FBXL13: variants seen among roughly 807,000 people sequenced by gnomAD.
FBXL13 encodes the protein F-box and leucine-rich repeat protein 13.
FBXL13 carries 67 observed loss-of-function variants against 83.6 expected under a neutral mutation model. That is an observed-to-expected ratio of 0.80 (90% CI 0.66 to 0.98). The LOEUF (loss-of-function observed/expected upper bound fraction) is 0.98. Ranked by LOEUF, FBXL13 falls within the 50% of genes least tolerant of loss-of-function variation. The pLI is 0.00. For synonymous variants in FBXL13, 272 were observed against 299.5 expected, an observed-to-expected ratio of 0.91 and a Z score of 0.95; for missense variants, 822 against 866.5, an observed-to-expected ratio of 0.95 and a Z score of 0.64.
At chr7:102,878,339 T>C (rs1412688772) in exon 15 of FBXL13, 3 of 1,600,898 alleles carry the variant, frequency 1.9e-6, no homozygotes, top group Admixed American at 3.4e-5. Flanking sequence ...ACCGCTCAGA[T>C]AGTTTCATAA....
At chr7:102,918,264 T>C (rs1032445054) in intron 10 of FBXL13, among the ~76,000 whole-genome samples, 1 of 152,218 alleles carries the variant, frequency 6.6e-6, no homozygotes, top group Non-Finnish European at 1.5e-5. Context: ...AAAAAATCAG[T>C]ATCAAGTAGT....
chr7:103,042,887 T>C (rs1453202838), intron 2 of FBXL13, among the ~76,000 whole-genome samples: 1 of 152,058 alleles, frequency 6.6e-6, no homozygotes, highest in Non-Finnish European at 1.5e-5. Context: ...ACCTAAGCAA[T>C]ACCATTCAGG....
chr7:102,907,355 ACATGTGCAC>A (rs2129467765), intron 11 of FBXL13, among the ~76,000 whole-genome samples: 1 of 152,074 alleles, frequency 6.6e-6, no homozygotes, highest in East Asian at 1.9e-4. Context: ...GTTCTAGGGT[ACATGTGCAC>A]CATGTGCAGG....
intron 8 of FBXL13, among the ~76,000 whole-genome samples, chr7:102,961,070 G>A (rs1825114460): frequency 6.7e-6 from 1 of 148,568 alleles, no homozygotes; most frequent in East Asian, 2.0e-4. Context: ...CGACATGATT[G>A]TATATCTAGA....
chr7:102,926,322 T>C, exon 10 of FBXL13: 5 of 1,613,932 alleles, frequency 3.1e-6, no homozygotes, highest in East Asian at 2.2e-5. Flanking sequence ...GTTAGACAGA[T>C]TGAGACACAG....
chr7:103,010,184 T>C (rs117374106), intron 6 of FBXL13, among the ~76,000 whole-genome samples: 8,138 of 151,118 alleles, frequency 0.054, 304 homozygotes, highest in South Asian at 0.13. Flanking sequence ...TGGCAGAGTG[T>C]GCAACCCCAC....
chr7:102,943,842 A>G (rs1821937428), intron 8 of FBXL13, among the ~76,000 whole-genome samples: 1 of 152,222 alleles, frequency 6.6e-6, no homozygotes, highest in African/African-American at 2.4e-5. Context: ...ATTCAGAGAA[A>G]AATAAATTTC....
chr7:102,912,507 C>T (rs2129468912), intron 11 of FBXL13, among the ~76,000 whole-genome samples: 1 of 152,316 alleles, frequency 6.6e-6, no homozygotes, highest in African/African-American at 2.4e-5. Context: ...GCAACTTGAT[C>T]CAATTTTCTG....
chr7:103,063,086 GA>G (rs1798073048), intron 1 of FBXL13, among the ~76,000 whole-genome samples: 1 of 152,184 alleles, frequency 6.6e-6, no homozygotes, highest in Non-Finnish European at 1.5e-5. Flanking sequence ...TTGGACATGT[GA>G]ATCTCCAAGA....
At chr7:102,865,801 C>A (rs1807561369) in intron 16 of FBXL13, among the ~76,000 whole-genome samples, 1 of 152,020 alleles carries the variant, frequency 6.6e-6, no homozygotes, top group Non-Finnish European at 1.5e-5. Context: ...GCCTTGGCCT[C>A]CCAAAGTGCT....
Position 102,813,401 on chromosome 7 carries a change from CT to C in FBXL13, c.2148del (p.Gly717GlufsTer3), listed in dbSNP as rs774095708. 2.5e-6 allele frequency: 4 copies of C among 1,614,094 alleles called. No individual in the cohort carries two copies. The highest frequency in any genetic ancestry group is 3.4e-6 in the Non-Finnish European group (4 of 1,180,006). On this transcript the variant is annotated frameshift_variant, in exon 20 of 20. Transcript: ENST00000313221. LOFTEE classifies it low-confidence loss of function (END_TRUNC). Reference sequence around the variant, plus strand: ...TTTTTCACTGTTAATTCTAAGGCTCCTTTAGATGATGTTATGTTGTCAAGCT... The same window carrying C: ...TTTTTCACTGTTAATTCTAAGGCTCCTTAGATGATGTTATGTTGTCAAGCT...
intron 6 of FBXL13, among the ~76,000 whole-genome samples, chr7:102,976,691 CAGA>C (rs1827518979): frequency 6.6e-6 from 1 of 152,190 alleles, no homozygotes; most frequent in African/African-American, 2.4e-5. Flanking sequence ...GTTCCTATCA[CAGA>C]AGCAGTATCC....
In FBXL13 at chr7:103,053,586, AC is replaced by A. The variant is rs948530444; in HGVS notation, c.-1+2057del. Among the ~76,000 whole-genome samples the A allele has an allele frequency of 7.2e-5, 11 of 152,308 alleles. 1 individual carries two copies. Among genetic ancestry groups the A allele is most frequent in the African/African-American group, 2.6e-4 (11 of 41,562 alleles). ...CACGCTAAATCAGTGGTTTTCAAAA[AC>A]TTTAGCATATTTTAGCAATAGTTGT... On this transcript the variant is annotated intron_variant, in intron 2 of 19. Transcript: ENST00000313221.
At chr7:103,048,335 C>T (rs1796481783) in intron 2 of FBXL13, among the ~76,000 whole-genome samples, 1 of 151,406 alleles carries the variant, frequency 6.6e-6, no homozygotes, top group Non-Finnish European at 1.5e-5. Context: ...AAGGCAAAAA[C>T]CTTTACTCAT....
At chr7:103,051,737 A>T (rs768640787) in intron 2 of FBXL13, among the ~76,000 whole-genome samples, 1 of 152,250 alleles carries the variant, frequency 6.6e-6, no homozygotes, top group Non-Finnish European at 1.5e-5. Context: ...ACCTGGTGGA[A>T]GATTTATAAA....
intron 14 of FBXL13, among the ~76,000 whole-genome samples, chr7:102,881,529 G>T (rs1222578714): frequency 6.8e-6 from 1 of 148,142 alleles, no homozygotes; most frequent in Non-Finnish European, 1.5e-5. Context: ...TATTCATACA[G>T]ATAGAATTAG....
intron 17 of FBXL13, among the ~76,000 whole-genome samples, chr7:102,836,594 A>G (rs191384604): frequency 6.6e-6 from 1 of 152,216 alleles, no homozygotes; most frequent in Non-Finnish European, 1.5e-5. Flanking sequence ...AAATGCAAAC[A>G]TTATCAAGTT....
intron 17 of FBXL13, among the ~76,000 whole-genome samples, chr7:102,833,746 T>G (rs1801165615): frequency 6.6e-6 from 1 of 151,936 alleles, no homozygotes; most frequent in South Asian, 2.1e-4. Context: ...TTAGGGAAAA[T>G]AACATCTACT....
chr7:102,949,662 T>A (rs149442249), intron 8 of FBXL13, among the ~76,000 whole-genome samples: 1 of 152,144 alleles, frequency 6.6e-6, no homozygotes, highest in Non-Finnish European at 1.5e-5. Flanking sequence ...ATGAAGACAA[T>A]TGTACTAAGA....
Sources: allele counts gnomAD v4.1 joint callset (sites outside exome capture counted in the v4.1 genomes callset), GRCh38; gene constraint gnomAD v4.1.1; transcripts MANE v1.5; gene names NCBI Gene and HGNC (gene_info 2026-07-23, HGNC 2026-07-21).